Variants in GLIS3 observed in about 807,000 individuals in gnomAD.
GLIS3 encodes the protein GLIS family zinc finger 3, also known as zinc finger protein GLIS3.
In GLIS3, 53 loss-of-function variants were observed where a neutral mutation model predicts 78.6. That is an observed-to-expected ratio of 0.67 (90% CI 0.54 to 0.85). The LOEUF (loss-of-function observed/expected upper bound fraction) is 0.85, where lower values mean the gene tolerates loss of function less well. Among genes scored for constraint, GLIS3 ranks in the 40% least tolerant of loss-of-function variants. The pLI, the probability that GLIS3 is intolerant of heterozygous loss-of-function variation, is 0.00. For missense variants in GLIS3, 1,703 were observed against 1,231.1 expected (o/e 1.38, Z -5.74); for synonymous variants, 684 against 509.9 (o/e 1.34, Z -4.60).
chr9:4,421,902 C>T, the GLIS3 span, among the ~76,000 whole-genome samples: 3 of 152,190 alleles, frequency 2.0e-5, no homozygotes, highest in Non-Finnish European at 4.4e-5. Context: ...AGTCATTAAA[C>T]ATGAGTAGGA....
At chr9:4,406,812 T>C in the GLIS3 span, among the ~76,000 whole-genome samples, 1 of 152,072 alleles carries the variant, frequency 6.6e-6, no homozygotes, top group Non-Finnish European at 1.5e-5. Context: ...CACACAAAAA[T>C]GGAAAGATAC....
At chr9:3,852,790 CACTG>C (rs1438103067) in intron 9 of GLIS3, among the ~76,000 whole-genome samples, 24 of 152,216 alleles carry the variant, frequency 1.6e-4, no homozygotes, top group African/African-American at 4.8e-4. Flanking sequence ...TTGCAACAGT[CACTG>C]GCCCATCTTC....
intron 2 of GLIS3, among the ~76,000 whole-genome samples, chr9:4,202,271 C>T (rs1259221803): frequency 1.3e-5 from 2 of 150,506 alleles, no homozygotes; most frequent in African/African-American, 4.9e-5. Flanking sequence ...CTGCCTCAGC[C>T]TCCCGAGTAG....
chr9:4,191,003 A>G (rs1818285315), intron 2 of GLIS3, among the ~76,000 whole-genome samples: 4 of 152,126 alleles, frequency 2.6e-5, no homozygotes, highest in Admixed American at 2.6e-4. Flanking sequence ...TGTCACCGCC[A>G]GGCCTGCCCT....
chr9:3,954,454 G>A (rs773802544), intron 4 of GLIS3, among the ~76,000 whole-genome samples: 5 of 152,198 alleles, frequency 3.3e-5, no homozygotes, highest in Admixed American at 6.5e-5. Context: ...TAGCTGCCCC[G>A]TGGTTAAAGA....
chr9:4,222,175 G>A (rs1821383393), intron 2 of GLIS3, among the ~76,000 whole-genome samples: 1 of 152,170 alleles, frequency 6.6e-6, no homozygotes, highest in South Asian at 2.1e-4. Context: ...CCATCACTTT[G>A]TAAGCTCTAA....
chr9:3,877,335 G>A (rs932737536), intron 8 of GLIS3, among the ~76,000 whole-genome samples: 8 of 152,212 alleles, frequency 5.3e-5, no homozygotes, highest in Non-Finnish European at 1.0e-4. Context: ...CTTAATGGAT[G>A]GTTATCATTT....
the GLIS3 span, among the ~76,000 whole-genome samples, chr9:4,444,565 A>C: frequency 2.0e-5 from 3 of 152,232 alleles, no homozygotes; most frequent in East Asian, 5.8e-4. Flanking sequence ...GAAGTAAAAC[A>C]CCTGGCTGCT....
chr9:4,023,267 T>G (rs725334), intron 4 of GLIS3, among the ~76,000 whole-genome samples: 8 of 152,156 alleles, frequency 5.3e-5, no homozygotes, highest in South Asian at 4.1e-4. Flanking sequence ...CAAGAACAAA[T>G]TTTCCTTTTT....
intron 4 of GLIS3, among the ~76,000 whole-genome samples, chr9:4,109,485 T>C (rs531800136): frequency 8.5e-5 from 13 of 152,324 alleles, no homozygotes; most frequent in African/African-American, 2.6e-4. Flanking sequence ...TGGCATAAGA[T>C]AAATGTGTGT....
chr9:4,126,257 G>A (rs1308449800), intron 2 of GLIS3, among the ~76,000 whole-genome samples: 1 of 152,186 alleles, frequency 6.6e-6, no homozygotes, highest in Non-Finnish European at 1.5e-5. Context: ...GTAAGTAGAT[G>A]GGATTGCCTG....
At chr9:4,205,689 C>A (rs1819813820) in intron 2 of GLIS3, among the ~76,000 whole-genome samples, 1 of 152,114 alleles carries the variant, frequency 6.6e-6, no homozygotes, top group Admixed American at 6.5e-5. Flanking sequence ...TCACCTAAGG[C>A]CAGCACCCAC....
intron 2 of GLIS3, among the ~76,000 whole-genome samples, chr9:4,332,388 G>A (rs759890774): frequency 6.6e-6 from 1 of 152,186 alleles, no homozygotes; most frequent in Non-Finnish European, 1.5e-5. Context: ...CTGAGCACAC[G>A]GCTGCTCAAC....
At chr9:4,116,114 C>T (rs1352955663) in intron 4 of GLIS3, among the ~76,000 whole-genome samples, 1 of 152,160 alleles carries the variant, frequency 6.6e-6, no homozygotes, top group East Asian at 1.9e-4. Flanking sequence ...TCCTATTGCA[C>T]AAAAATTAAT....
At chr9:3,840,638 T>C (rs539942930) in intron 9 of GLIS3, among the ~76,000 whole-genome samples, 1 of 152,286 alleles carries the variant, frequency 6.6e-6, no homozygotes, top group East Asian at 1.9e-4. Context: ...GCACATTTCT[T>C]TTGAAGGAAC....
the GLIS3 span, among the ~76,000 whole-genome samples, chr9:4,382,510 G>C: frequency 6.6e-6 from 1 of 152,192 alleles, no homozygotes; most frequent in Middle Eastern, 3.4e-3. Context: ...ACATCATCTT[G>C]CTTAGTCTGA....
At chr9:4,216,440 A>C (rs917263615) in intron 2 of GLIS3, among the ~76,000 whole-genome samples, 7 of 150,750 alleles carry the variant, frequency 4.6e-5, no homozygotes, top group African/African-American at 1.7e-4. Flanking sequence ...AGATTGCGCC[A>C]CTGCACTGCA....
the GLIS3 span, among the ~76,000 whole-genome samples, chr9:4,415,438 C>T: frequency 1.1e-4 from 17 of 152,320 alleles, no homozygotes; most frequent in African/African-American, 4.1e-4. Flanking sequence ...TTTGCCTCAG[C>T]CTTTCTGGCT....
At chr9:4,309,836 C>A (rs539085088) in intron 3 of GLIS3, among the ~76,000 whole-genome samples, 2 of 152,090 alleles carry the variant, frequency 1.3e-5, no homozygotes, top group African/African-American at 4.8e-5. Context: ...CCGAAAGAGA[C>A]ATGTGAGACA....
Sources: allele counts gnomAD v4.1 joint callset (sites outside exome capture counted in the v4.1 genomes callset), GRCh38; gene constraint gnomAD v4.1.1; transcripts MANE v1.5; gene names NCBI Gene and HGNC (gene_info 2026-07-23, HGNC 2026-07-21).